The following MEDAG variants were observed in gnomAD, a reference collection of about 807,000 sequenced individuals.
MEDAG encodes the protein mesenteric estrogen dependent adipogenesis, also known as mesenteric estrogen-dependent adipogenesis protein.
MEDAG carries 25 observed loss-of-function variants against 29.9 expected under a neutral mutation model. The observed-to-expected ratio is 0.84, with a 90% CI of 0.61 to 1.17. The LOEUF (loss-of-function observed/expected upper bound fraction) is 1.17. Ranked by LOEUF, MEDAG falls within the 50% of genes most tolerant of loss-of-function variation. MEDAG has a pLI of 0.00. For missense variants in MEDAG, 398 were observed against 372.9 expected (o/e 1.07, Z -0.56); for synonymous variants, 158 against 148.2 (o/e 1.07, Z -0.48).
intron 1 of MEDAG, among the ~76,000 whole-genome samples, chr13:30,908,566 G>A (rs772351238): frequency 1.2e-4 from 19 of 152,134 alleles, no homozygotes; most frequent in Non-Finnish European, 2.2e-4. Context: ...TTCTGCCCTC[G>A]GGAATCAGGA....
At chr13:30,913,732 A>G (rs564738707) in intron 1 of MEDAG, among the ~76,000 whole-genome samples, 2 of 152,288 alleles carry the variant, frequency 1.3e-5, no homozygotes, top group Admixed American at 6.5e-5. Context: ...TATTTGCATT[A>G]GTAATTCTGA....
intron 4 of MEDAG, chr13:30,922,820 A>G (rs1035412178): frequency 1.9e-4 from 29 of 152,188 alleles, no homozygotes; most frequent in Admixed American, 1.6e-3. Context: ...ATTGCAGAAA[A>G]CCAGCAGTCT....
At chr13:30,913,334 G>A (rs944784071) in intron 1 of MEDAG, among the ~76,000 whole-genome samples, 1 of 152,128 alleles carries the variant, frequency 6.6e-6, no homozygotes, top group Non-Finnish European at 1.5e-5. Context: ...TCCCACCTCA[G>A]CCTCCTGAGT....
rs1952828868 is a variant in MEDAG, at chr13:30,906,406, C to A, written c.-110C>A. 1.7e-6 allele frequency: 2 copies of A among 1,205,992 alleles called. No homozygotes were observed. The highest frequency in any genetic ancestry group is 2.1e-6 in the Non-Finnish European group (2 of 932,028). 74.7% of individuals were successfully genotyped at this position (1,205,992 alleles called of 1,614,324 possible). A position where few individuals can be genotyped will look rare whatever the true frequency, so the allele number is the denominator to read the frequency against. ...AGACCGACCCCCTCCTCACCTCGCGCGCGGCTGACGCAGGCAGGGCGCCCG... is the reference window on the plus strand; with the variant it reads ...AGACCGACCCCCTCCTCACCTCGCGAGCGGCTGACGCAGGCAGGGCGCCCG... On this transcript the variant is annotated 5_prime_UTR_variant, in exon 1 of 5. Transcript: ENST00000380482.
chr13:30,909,541 G>T (rs889913672), intron 1 of MEDAG, among the ~76,000 whole-genome samples: 116 of 152,060 alleles, frequency 7.6e-4, no homozygotes, highest in African/African-American at 2.7e-3. Context: ...TTGGACCATA[G>T]AACTTTTGAG....
At position 30,921,713 on chromosome 13, in the gene MEDAG, T is replaced by C; in HGVS notation, c.654T>C (p.Asn218=). 1.2e-6 allele frequency: 2 copies of C among 1,614,006 alleles called. No individual in the cohort carries two copies. Among genetic ancestry groups the C allele is most frequent in the South Asian group, 1.1e-5 (1 of 91,070 alleles). The change falls in exon 4 of 5, where the codon AAT becomes AAC. Residue 218 remains asparagine, a synonymous_variant. Coordinates refer to ENST00000380482, the MANE Select transcript of MEDAG (RefSeq NM_032849.4). The part of the protein sequence containing the change: ...FGLSNSVVKV[N]GKVLNLSSTS... The stretch of plus-strand genomic sequence containing the variant: ...TCAGTAATTCCGTTGTAAAAGTAAA[T>C]GGAAAAGTTCTGAATTTGTCAAGTA...
chr13:30,917,351 A>G, intron 1 of MEDAG, 52 bp from the exon 2 acceptor site: 1 of 1,084,080 alleles, frequency 9.2e-7, no homozygotes, highest in Admixed American at 1.7e-5. Flanking sequence ...TCCCCTTCCT[A>G]ATTTAGATGA....
rs147852077 is a variant in MEDAG at position 30,912,990 on chromosome 13, C to T, written c.279-4413C>T. Reference sequence around the variant, plus strand: ...AATTCGTATGTCTACATTGCATGTACTGCATTTACTCATCATGAGGGAAAA... The same window carrying T: ...AATTCGTATGTCTACATTGCATGTATTGCATTTACTCATCATGAGGGAAAA... On this transcript the variant is annotated intron_variant, in intron 1 of 4. Transcript: ENST00000380482. Among the ~76,000 whole-genome samples, 205 of 152,300 alleles carry T rather than the reference C, an allele frequency of 1.3e-3. 2 individuals are homozygous for T. The highest frequency in any genetic ancestry group is 4.8e-3 in the African/African-American group (199 of 41,558).
At chr13:30,922,344 C>A (rs1952996466) in intron 4 of MEDAG, 1 of 151,702 alleles carries the variant, frequency 6.6e-6, no homozygotes, top group African/African-American at 2.4e-5. Context: ...CAACCTCAGC[C>A]TTCCGGGTTC....
rs1272606085 is a variant in MEDAG, at chr13:30,924,496, G to C, written c.*61G>C. 3.3e-6 allele frequency: 5 copies of C among 1,532,806 alleles called. No homozygotes were observed. The highest frequency in any genetic ancestry group is 1.4e-5 in the African/African-American group (1 of 72,106). 95.0% of individuals were successfully genotyped at this position (1,532,806 alleles called of 1,614,324 possible). A position where few individuals can be genotyped will look rare whatever the true frequency, so the allele number is the denominator to read the frequency against. On this transcript the variant is annotated 3_prime_UTR_variant, in exon 5 of 5. Coordinates refer to ENST00000380482, the MANE Select transcript of MEDAG (RefSeq NM_032849.4). ...CAGGCCTGTGCTAGACTATAGGCTG[G>C]GGGGAGGGTAGGAGGTGGGAGGCAG...
Position 30,906,547 on chromosome 13 carries a change from G to A in MEDAG, c.32G>A (p.Arg11Lys). ...GGGGCGGCCTGCGAGCCGGTGGCCA[G>A]GCCGAGCCTGACCTCCATCTCGTCT... MAGAACEPVARPSLTSISSGE... is the reference protein window; with the variant it reads MAGAACEPVAKPSLTSISSGE... The change falls in exon 1 of 5, where the codon AGG (arginine) becomes AAG (lysine). Residue 11 changes from arginine to lysine, a missense_variant. Transcript: ENST00000380482. 10 of 1,551,684 alleles carry A rather than the reference G, an allele frequency of 6.4e-6. No homozygotes were observed. The highest frequency in any genetic ancestry group is 8.6e-6 in the Non-Finnish European group (10 of 1,157,702).
At chr13:30,919,339 T>A (rs1010459174) in intron 2 of MEDAG, among the ~76,000 whole-genome samples, 3 of 152,240 alleles carry the variant, frequency 2.0e-5, no homozygotes, top group African/African-American at 7.2e-5. Flanking sequence ...TCAAGACGAT[T>A]ACTAATGCTT....
intron 1 of MEDAG, among the ~76,000 whole-genome samples, chr13:30,915,816 C>G (rs1020736642): frequency 6.6e-6 from 1 of 151,954 alleles, no homozygotes. Flanking sequence ...AACACCCCAG[C>G]GCCCCACCCC....
chr13:30,915,797 T>C (rs1477573272), intron 1 of MEDAG, among the ~76,000 whole-genome samples: 10 of 151,942 alleles, frequency 6.6e-5, no homozygotes, highest in African/African-American at 2.4e-4. Flanking sequence ...TGGCCATCCA[T>C]TCCCTTGTAA....
chr13:30,907,336 A>G (rs1235929648), intron 1 of MEDAG, among the ~76,000 whole-genome samples: 1 of 152,218 alleles, frequency 6.6e-6, no homozygotes, highest in Non-Finnish European at 1.5e-5. Context: ...TTTCAAAAGT[A>G]AACAAATAAA....
At chr13:30,924,206 C>T (rs191780350) in intron 4 of MEDAG, 105 bp from the exon 5 acceptor site, 4 of 1,209,358 alleles carry the variant, frequency 3.3e-6, no homozygotes, top group Admixed American at 5.1e-5. Flanking sequence ...CCAGGATTCT[C>T]TATTAATTAT....
Position 30,906,593 on chromosome 13 carries a change from G to A in MEDAG, c.78G>A (p.Trp26Ter), listed in dbSNP as rs1390775495. 1.3e-6 allele frequency: 2 copies of A among 1,587,538 alleles called. No individual in the cohort carries two copies. Among genetic ancestry groups the A allele is most frequent in the South Asian group, 2.2e-5 (2 of 89,218 alleles). Reference sequence around the variant, plus strand: ...CGTCTGGGGAGCTTCGCAGCCTGTGGACCTGCGACTGCGAGCTGGCCCTGC... The same window carrying A: ...CGTCTGGGGAGCTTCGCAGCCTGTGAACCTGCGACTGCGAGCTGGCCCTGC... ...SISSGELRSLWTCDCELALLP... is the reference protein window; with the variant it reads ...SISSGELRSL The change falls in exon 1 of 5, where the codon TGG (tryptophan) becomes TGA (stop). Residue 26 changes from tryptophan to a stop codon, truncating the protein, a stop_gained. Coordinates refer to ENST00000380482, the MANE Select transcript of MEDAG (RefSeq NM_032849.4). LOFTEE classifies it high-confidence loss of function.
chr13:30,906,561 T>A lies in MEDAG; in HGVS notation c.46T>A (p.Ser16Thr). 6.4e-7 allele frequency: 1 copy of A among 1,571,930 alleles called. No individual in the cohort carries two copies. The highest frequency in any genetic ancestry group is 8.6e-7 in the Non-Finnish European group (1 of 1,168,246). The change falls in exon 1 of 5, where the codon TCC becomes ACC. Residue 16 changes from serine (S) to threonine (T), a missense_variant. Ser to Thr is a moderately conservative substitution (Grantham distance 58, BLOSUM62 1). Transcript: ENST00000380482. The stretch of plus-strand genomic sequence containing the variant: ...GCCGGTGGCCAGGCCGAGCCTGACC[T>A]CCATCTCGTCTGGGGAGCTTCGCAG... ...CEPVARPSLT[S>T]ISSGELRSLW...
intron 1 of MEDAG, among the ~76,000 whole-genome samples, chr13:30,912,564 G>A (rs1008727470): frequency 6.6e-6 from 1 of 152,066 alleles, no homozygotes; most frequent in African/African-American, 2.4e-5. Context: ...TGAAGGATTT[G>A]AATTCCTATT....
Sources: gnomAD v4.1 joint callset for allele counts (sites outside exome capture counted in the v4.1 genomes callset) on GRCh38, gnomAD v4.1.1 for gene constraint, MANE v1.5 for transcripts, NCBI Gene and HGNC (gene_info 2026-07-23, HGNC 2026-07-21) for gene names.